The following HNRNPH3 variants were observed in gnomAD, a reference collection of about 807,000 sequenced individuals.
HNRNPH3 encodes heterogeneous nuclear ribonucleoprotein H3.
A neutral mutation model predicts 47.0 loss-of-function variants in HNRNPH3; 7 were observed. The ratio of observed to expected loss-of-function variants is 0.15; its 90% confidence interval spans 0.08 to 0.28. The LOEUF is 0.28. Among genes scored for constraint, HNRNPH3 ranks in the 10% least tolerant of loss-of-function variants. The pLI is 1.00. For synonymous variants in HNRNPH3, 120 were observed against 143.2 expected (o/e 0.84, Z 1.16); for missense variants, 279 against 449.6 (o/e 0.62, Z 3.43).
chr10:68,337,744 T>TG lies in HNRNPH3; in HGVS notation c.113-114_113-113insG. 1.7e-5 allele frequency: 16 copies of TG among 955,198 alleles called. No homozygotes were observed. Among genetic ancestry groups the TG allele is most frequent in the Non-Finnish European group, 2.3e-5 (15 of 663,746 alleles). 59.2% of individuals were successfully genotyped at this position (955,198 alleles called of 1,614,324 possible). On this transcript the variant is annotated intron_variant, in intron 2 of 9. Coordinates refer to ENST00000265866, the MANE Select transcript of HNRNPH3 (RefSeq NM_012207.3). The surrounding 1 kb of genome is among the most constrained non-coding windows in gnomAD (Gnocchi z 4.5). Reference sequence around the variant, plus strand: ...ATTATGGGGTGATGGGAAACTAAGCTTTTTTGTTTTGTTTTGTTTTGTTTA... The same window carrying TG: ...ATTATGGGGTGATGGGAAACTAAGCTGTTTTTGTTTTGTTTTGTTTTGTTTA...
At position 68,342,783 on chromosome 10, in the gene HNRNPH3, A is replaced by G. The variant is rs758199003; in HGVS notation, c.*729A>G. 1.2e-4 allele frequency: 18 copies of G among 152,640 alleles called. No homozygotes were observed. Among genetic ancestry groups the G allele is most frequent in the Non-Finnish European group, 2.4e-4 (16 of 68,040 alleles). The allele number at this position is 152,640 out of a possible 1,614,324, so 9.5% of individuals were successfully genotyped here. On this transcript the variant is annotated 3_prime_UTR_variant, in exon 10 of 10. Transcript: ENST00000265866. ...GTTGCAGGTTATCGCAAGATGTCTT[A>G]GAGTAGGGTTAAGGTTCTCAGTGAC...
At chr10:68,334,740 CTG>C (rs1465497402) in intron 1 of HNRNPH3, among the ~76,000 whole-genome samples, 4 of 152,152 alleles carry the variant, frequency 2.6e-5, no homozygotes, top group Non-Finnish European at 4.4e-5. Flanking sequence ...CATATTTTAA[CTG>C]TGGTATCTTT....
chr10:68,341,773 T>C lies in HNRNPH3; in HGVS notation c.886T>C (p.Tyr296His). The C allele has an allele frequency of 2.5e-6, 4 of 1,606,908 alleles. No individual in the cohort carries two copies. The highest frequency in any genetic ancestry group is 3.4e-6 in the Non-Finnish European group (4 of 1,177,050). Residue 296 changes from tyrosine (Y) to histidine (H), a missense_variant, in exon 9 of 10, where the codon TAT becomes CAT. Around this residue, in one of 2 missense-constraint regions of HNRNPH3, gnomAD observed 239 missense variants for 335.8 expected, o/e 0.71. Transcript: ENST00000265866. ...GRDGMDNQGG[Y>H]GSVGRMGMGN... is the part of the protein sequence containing the mutation. ...TCTTTTTAAAGATAATCAGGGAGGC[T>C]ATGGATCAGTTGGAAGAATGGGAAT...
In HNRNPH3 at chr10:68,337,675, AAATT is replaced by A; in HGVS notation, c.113-182_113-179del. 3 of 567,024 alleles carry A rather than the reference AAATT, an allele frequency of 5.3e-6. No individual in the cohort carries two copies. The highest frequency in any genetic ancestry group is 9.1e-6 in the Non-Finnish European group (3 of 329,732). The allele number at this position is 567,024 out of a possible 1,614,324, so 35.1% of individuals were successfully genotyped here. On this transcript the variant is annotated intron_variant, in intron 2 of 9. Coordinates refer to ENST00000265866, the MANE Select transcript of HNRNPH3 (RefSeq NM_012207.3). This position sits in a 1 kb window ranked among gnomAD's most constrained non-coding sequence, Gnocchi z 4.5. Reference sequence around the variant, plus strand: ...ACAGTGTTTTTACACTGGTCGCAAAAAATTTATTTAATCCAGTAATATTTGAAAA... The same window carrying A: ...ACAGTGTTTTTACACTGGTCGCAAAATATTTAATCCAGTAATATTTGAAAA...
chr10:68,333,137 T>C (rs2045299080), intron 1 of HNRNPH3: 1 of 150,774 alleles, frequency 6.6e-6, no homozygotes, highest in South Asian at 2.1e-4. Flanking sequence ...TTTTTTTTTT[T>C]CATGTTTAAA....
At chr10:68,340,741 G>C (rs2045863403) in intron 6 of HNRNPH3, among the ~76,000 whole-genome samples, 1 of 152,120 alleles carries the variant, frequency 6.6e-6, no homozygotes, top group Admixed American at 6.5e-5. Flanking sequence ...GTCTTAAATA[G>C]GTGGCTTTAT....
At chr10:68,335,208 G>A (rs1345968756) in intron 1 of HNRNPH3, among the ~76,000 whole-genome samples, 1 of 150,372 alleles carries the variant, frequency 6.7e-6, no homozygotes, top group Middle Eastern at 3.2e-3. Context: ...TAAGATTTAT[G>A]GGTAAATTAA....
At chr10:68,331,962 T>C (rs1043255123), upstream of HNRNPH3, 4 of 152,342 alleles carry the variant, frequency 2.6e-5, no homozygotes, top group South Asian at 2.1e-4. Flanking sequence ...GCCAGCGCCA[T>C]GCGAAACCGA....
chr10:68,340,544 G>A (rs1156635369), intron 6 of HNRNPH3, among the ~76,000 whole-genome samples: 1 of 152,160 alleles, frequency 6.6e-6, no homozygotes, highest in East Asian at 1.9e-4. Flanking sequence ...CCTGTTGAGT[G>A]GTTACATTAG....
chr10:68,338,191 T>C (rs775394313), intron 3 of HNRNPH3, 195 bp downstream of exon 3: 3 of 486,218 alleles, frequency 6.2e-6, no homozygotes, highest in Non-Finnish European at 1.1e-5. Context: ...ATTAGATTGT[T>C]TCCATTTCTC....
chr10:68,339,273 A>G (rs1446726324), intron 5 of HNRNPH3, 47 bp downstream of exon 5: 5 of 1,584,380 alleles, frequency 3.2e-6, no homozygotes, highest in Non-Finnish European at 4.3e-6. Flanking sequence ...AAATTTTAGT[A>G]TTTGCTTTGC....
At chr10:68,341,431 A>T in intron 7 of HNRNPH3, 122 bp downstream of exon 7, 1 of 1,130,038 alleles carries the variant, frequency 8.8e-7, no homozygotes, top group Non-Finnish European at 1.3e-6. Flanking sequence ...GACCTCTATA[A>T]TGGCTTTCTG....
chr10:68,338,709 A>AG, intron 4 of HNRNPH3, 22 bp downstream of exon 4: 1 of 1,527,380 alleles, frequency 6.5e-7, no homozygotes. Flanking sequence ...TAATGAACAA[A>AG]GGTTCTGTTG....
rs1407340241 is a variant in HNRNPH3, at chr10:68,338,698, C to T, written c.436+11C>T. 1.9e-6 allele frequency: 3 copies of T among 1,547,628 alleles called. No individual in the cohort carries two copies. The South Asian group carries it at 3.7e-5, about 19-fold the overall frequency. ...ATGGATATGATGGTGGTATGTGTAT[C>T]TAATGAACAAAGGTTCTGTTGTCAT... is the stretch of plus-strand genomic sequence containing the variant. On this transcript the variant is annotated intron_variant, in intron 4 of 9. Coordinates refer to ENST00000265866, the MANE Select transcript of HNRNPH3 (RefSeq NM_012207.3).
At chr10:68,339,096 C>T in intron 4 of HNRNPH3, 44 bp from the exon 5 acceptor site, 1 of 1,403,742 alleles carries the variant, frequency 7.1e-7, no homozygotes. Context: ...TAAAATTTAT[C>T]TCTGGAAAGT....
intron 4 of HNRNPH3, chr10:68,338,894 A>G (rs2045673179): frequency 1.9e-6 from 1 of 519,000 alleles, no homozygotes; most frequent in Non-Finnish European, 3.3e-6. Flanking sequence ...TAAAATTAAG[A>G]TGTTGGCATA....
chr10:68,336,641 G>C (rs2045559495), intron 1 of HNRNPH3, among the ~76,000 whole-genome samples: 1 of 152,150 alleles, frequency 6.6e-6, no homozygotes, highest in South Asian at 2.1e-4. Context: ...ATAGAGGTGG[G>C]AGTGTTGGCC....
At chr10:68,336,389 G>C (rs772372522) in intron 1 of HNRNPH3, among the ~76,000 whole-genome samples, 19 of 152,002 alleles carry the variant, frequency 1.2e-4, no homozygotes, top group Non-Finnish European at 2.6e-4. Context: ...GGGGAAGGGG[G>C]GCTTCTAGAT....
At chr10:68,338,784 A>G (rs993114267) in intron 4 of HNRNPH3, 97 bp downstream of exon 4, 3 of 1,011,252 alleles carry the variant, frequency 3.0e-6, no homozygotes, top group African/African-American at 3.3e-5. Flanking sequence ...TTCAGTACCT[A>G]TTAGGTTTTA....
Sources: allele counts gnomAD v4.1 joint callset (sites outside exome capture counted in the v4.1 genomes callset), GRCh38; gene constraint gnomAD v4.1.1; regional missense constraint gnomAD v4.1.1; non-coding constraint Gnocchi (gnomAD v3.1); transcripts MANE v1.5; gene names NCBI Gene and HGNC (gene_info 2026-07-23, HGNC 2026-07-21).